Variants in RIN3 observed in about 807,000 individuals in gnomAD.
The protein encoded by RIN3 is Ras and Rab interactor 3, also known as RAB5 interacting protein 3.
RIN3 carries 54 observed loss-of-function variants against 76.3 expected under a neutral mutation model. That is an observed-to-expected ratio of 0.71 (90% CI 0.57 to 0.89). The LOEUF (loss-of-function observed/expected upper bound fraction) is 0.89, where lower values mean the gene tolerates loss of function less well. Among genes scored for constraint, RIN3 ranks in the 40% least tolerant of loss-of-function variants. RIN3 has a pLI of 0.00. For synonymous variants in RIN3, 576 were observed against 564.0 expected (o/e 1.02, Z -0.30); for missense variants, 1,256 against 1,322.1 (o/e 0.95, Z 0.78).
At chr14:92,544,414 T>TGGGGGGGGGGGGGGGGGGG (rs71123353) in intron 1 of RIN3, among the ~76,000 whole-genome samples, 11 of 74,560 alleles carry the variant, frequency 1.5e-4, no homozygotes, top group South Asian at 1.1e-3. Context: ...GTGACAGCTG[T>TGGGGGGGGGGGGGGGGGGG]GGGGGGGGGG....
rs142230660 is a variant in RIN3, at chr14:92,652,534, G to A, written c.1485G>A (p.Pro495=). ...TQAMALETPT[P]GPPREGQSPA... ...CGATGGCCTTGGAGACACCCACGCC[G>A]GGTCCACCCAGAGAGGGCCAAAGCC... is the stretch of plus-strand genomic sequence containing the variant. Residue 495 remains proline, a synonymous_variant, in exon 6 of 10, where the codon CCG becomes CCA. Coordinates refer to ENST00000216487, the MANE Select transcript of RIN3 (RefSeq NM_024832.5). The surrounding 1 kb of genome is among the most constrained non-coding windows in gnomAD (Gnocchi z 6.4). 6.4e-5 allele frequency: 104 copies of A among 1,613,510 alleles called. No individual in the cohort carries two copies. The highest frequency in any genetic ancestry group is 9.9e-5 in the South Asian group (9 of 91,084).
chr14:92,519,867 G>A (rs564849893), intron 1 of RIN3, among the ~76,000 whole-genome samples: 28 of 152,314 alleles, frequency 1.8e-4, no homozygotes, highest in African/African-American at 6.5e-4. Flanking sequence ...GCGTCCACAG[G>A]GCAGTGGGAA....
At chr14:92,673,628 C>T (rs905974491) in intron 7 of RIN3, among the ~76,000 whole-genome samples, 2 of 152,082 alleles carry the variant, frequency 1.3e-5, no homozygotes, top group African/African-American at 4.8e-5. Flanking sequence ...GCCTAAGCCT[C>T]CCAAGTAGCT....
chr14:92,522,454 G>A (rs767385908), intron 1 of RIN3, among the ~76,000 whole-genome samples: 2 of 152,188 alleles, frequency 1.3e-5, no homozygotes, highest in Admixed American at 6.5e-5. Flanking sequence ...GTGCAAGTAC[G>A]TGTTACCTTG....
At chr14:92,642,077 G>A (rs1299486460) in intron 5 of RIN3, among the ~76,000 whole-genome samples, 1 of 151,954 alleles carries the variant, frequency 6.6e-6, no homozygotes, top group Non-Finnish European at 1.5e-5. Context: ...GTTGGGAGCA[G>A]AGAATTTTTT....
chr14:92,526,727 T>C (rs1469409562), intron 1 of RIN3, among the ~76,000 whole-genome samples: 1 of 152,180 alleles, frequency 6.6e-6, no homozygotes, highest in Non-Finnish European at 1.5e-5. Flanking sequence ...CACTCCAGGC[T>C]GGTGACAGAG....
At chr14:92,671,235 G>A (rs1172945052) in intron 7 of RIN3, among the ~76,000 whole-genome samples, 3 of 152,144 alleles carry the variant, frequency 2.0e-5, no homozygotes, top group Admixed American at 6.5e-5. Context: ...AAGGCATATG[G>A]GAGCCAGAGC....
At chr14:92,522,816 A>G (rs1896634807) in intron 1 of RIN3, among the ~76,000 whole-genome samples, 2 of 152,208 alleles carry the variant, frequency 1.3e-5, no homozygotes, top group Non-Finnish European at 2.9e-5. Context: ...AGGTGTGGCC[A>G]TATGACTAAG....
At chr14:92,554,689 G>C (rs1273589818) in intron 1 of RIN3, among the ~76,000 whole-genome samples, 2 of 152,234 alleles carry the variant, frequency 1.3e-5, no homozygotes, top group Admixed American at 1.3e-4. Flanking sequence ...GGGAGGCCGA[G>C]GTGGGTGGGT....
intron 2 of RIN3, among the ~76,000 whole-genome samples, chr14:92,564,097 A>G (rs1389238901): frequency 6.6e-6 from 1 of 152,254 alleles, no homozygotes; most frequent in Non-Finnish European, 1.5e-5. Flanking sequence ...ATTTTCCCCA[A>G]GCAGCTGGAA....
chr14:92,603,260 G>A (rs1029038905), intron 3 of RIN3, among the ~76,000 whole-genome samples: 10 of 152,196 alleles, frequency 6.6e-5, no homozygotes, highest in Non-Finnish European at 1.2e-4. Flanking sequence ...GTAACAGCCA[G>A]CAAAAGAGAA....
At chr14:92,650,276 C>T (rs1037667551) in intron 5 of RIN3, among the ~76,000 whole-genome samples, 10 of 152,224 alleles carry the variant, frequency 6.6e-5, no homozygotes, top group South Asian at 4.1e-4. Flanking sequence ...CTGGTCAAAT[C>T]CCAGCGTCTC....
intron 3 of RIN3, among the ~76,000 whole-genome samples, chr14:92,611,990 G>A (rs1885756239): frequency 6.6e-6 from 1 of 152,058 alleles, no homozygotes; most frequent in Non-Finnish European, 1.5e-5. Flanking sequence ...GGGGGCAGGG[G>A]CCAGACACTT....
At position 92,652,025 on chromosome 14, in the gene RIN3, G is replaced by T; in HGVS notation, c.976G>T (p.Ala326Ser). 1 of 1,548,492 alleles carries T rather than the reference G, an allele frequency of 6.5e-7. No individual in the cohort carries two copies. Among genetic ancestry groups the T allele is most frequent in the South Asian group, 1.2e-5 (1 of 86,770 alleles). ...GCCTGCCCCCCACGTCACACCCCAT[G>T]CCCCAGGTCCCCCAGACCATCCGAA... Reference protein sequence around the residue: ...PVPAPHVTPHAPGPPDHPNQP... With the variant: ...PVPAPHVTPHSPGPPDHPNQP... Residue 326 changes from alanine to serine, a missense_variant, in exon 6 of 10, where the codon GCC (alanine) becomes TCC (serine). By Grantham distance (99) the Ala-to-Ser change is moderately conservative. Around this residue, in one of 3 missense-constraint regions of RIN3, gnomAD observed 610 missense variants for 626.4 expected, o/e 0.97. Coordinates refer to ENST00000216487, the MANE Select transcript of RIN3 (RefSeq NM_024832.5). The surrounding 1 kb of genome is among the most constrained non-coding windows in gnomAD (Gnocchi z 6.4).
intron 6 of RIN3, among the ~76,000 whole-genome samples, chr14:92,655,584 A>G (rs1277021415): frequency 6.6e-6 from 1 of 152,232 alleles, no homozygotes; most frequent in Non-Finnish European, 1.5e-5. Flanking sequence ...CATGTGAACA[A>G]CGTCACTCTG....
intron 4 of RIN3, among the ~76,000 whole-genome samples, chr14:92,636,777 T>A (rs1338582933): frequency 1.3e-5 from 2 of 152,054 alleles, no homozygotes; most frequent in Non-Finnish European, 2.9e-5. Context: ...GGGCCAGGCA[T>A]GGTGGCTCAT....
At chr14:92,624,560 A>G (rs986031375) in intron 4 of RIN3, among the ~76,000 whole-genome samples, 1 of 152,204 alleles carries the variant, frequency 6.6e-6, no homozygotes, top group Non-Finnish European at 1.5e-5. Context: ...AGTATGACAA[A>G]ACGGAAAGCT....
intron 4 of RIN3, among the ~76,000 whole-genome samples, chr14:92,627,992 T>C (rs1886419280): frequency 6.6e-6 from 1 of 152,252 alleles, no homozygotes; most frequent in African/African-American, 2.4e-5. Flanking sequence ...CCTGTTCCTG[T>C]GTCCTCCCCC....
intron 7 of RIN3, among the ~76,000 whole-genome samples, chr14:92,670,246 G>C (rs1888244180): frequency 6.6e-6 from 1 of 152,124 alleles, no homozygotes; most frequent in African/African-American, 2.4e-5. Context: ...ACCCCAGCCA[G>C]CTTTTTGAAA....
Sources: allele counts gnomAD v4.1 joint callset (sites outside exome capture counted in the v4.1 genomes callset), GRCh38; gene constraint gnomAD v4.1.1; regional missense constraint gnomAD v4.1.1; non-coding constraint Gnocchi (gnomAD v3.1); transcripts MANE v1.5; gene names NCBI Gene and HGNC (gene_info 2026-07-23, HGNC 2026-07-21).